The following ATPAF2 variants were observed in gnomAD, a reference collection of about 807,000 sequenced individuals.
ATPAF2 encodes the protein ATP12 homolog.
Under a neutral mutation model 36.6 loss-of-function variants are expected in ATPAF2, and 30 were observed. The observed-to-expected ratio is 0.82, with a 90% CI of 0.61 to 1.11. The LOEUF (loss-of-function observed/expected upper bound fraction) is 1.11, where lower values mean the gene tolerates loss of function less well. ATPAF2 is among the 50% of genes most tolerant of loss of function. ATPAF2 has a pLI of 0.00. For synonymous variants in ATPAF2, 140 were observed against 152.6 expected (o/e 0.92, Z 0.61); for missense variants, 321 against 372.3 (o/e 0.86, Z 1.13).
chr17:18,026,848 A>C, intron 3 of ATPAF2: 1 of 207,762 alleles, frequency 4.8e-6, no homozygotes, highest in East Asian at 1.2e-4. Flanking sequence ...TGGAGCTCAA[A>C]TCTGACTGGA....
At position 18,026,299 on chromosome 17, in the gene ATPAF2, C is replaced by T. The variant is rs778564951; in HGVS notation, c.422+20G>A. 2.3e-5 allele frequency: 36 copies of T among 1,588,198 alleles called. 1 individual carries two copies. The highest frequency in any genetic ancestry group is 3.3e-4 in the Middle Eastern group (2 of 6,036). ...AAATAGCCTCAATCCAAGGGGAATG[C>T]CCATCTAAATGTCCATTACCAGATG... On this transcript the variant is annotated intron_variant, in intron 4 of 7. Transcript: ENST00000474627.
chr17:18,028,887 GTCATACCTCT>G, intron 1 of ATPAF2, among the ~76,000 whole-genome samples: 1 of 152,154 alleles, frequency 6.6e-6, no homozygotes, highest in Non-Finnish European at 1.5e-5. Flanking sequence ...GAACATGCTG[GTCATACCTCT>G]GCCAGCCCCG....
At chr17:18,031,210 C>G (rs911869947) in intron 1 of ATPAF2, among the ~76,000 whole-genome samples, 1 of 151,234 alleles carries the variant, frequency 6.6e-6, no homozygotes, top group African/African-American at 2.4e-5. Flanking sequence ...CTCCTGACCT[C>G]GTGATCCGCC....
rs750758706 is a variant in ATPAF2, at chr17:18,028,125, C to A, written c.324+107G>T. Reference sequence around the variant, plus strand: ...AGGAGGTGAATCCCTGGGGGCCAGACAGGCAAAGGACCAGCCCCCAGGGCC... The same window carrying A: ...AGGAGGTGAATCCCTGGGGGCCAGAAAGGCAAAGGACCAGCCCCCAGGGCC... On this transcript the variant is annotated intron_variant, in intron 3 of 7. Coordinates refer to ENST00000474627, the MANE Select transcript of ATPAF2 (RefSeq NM_145691.4). 12 of 1,381,384 alleles carry A rather than the reference C, an allele frequency of 8.7e-6. No homozygotes were observed. In the South Asian group the frequency reaches 1.3e-4, roughly 15 times the overall value. 85.6% of individuals were successfully genotyped at this position (1,381,384 alleles called of 1,614,324 possible). A position where few individuals can be genotyped will look rare whatever the true frequency, so the allele number is the denominator to read the frequency against.
downstream of ATPAF2, chr17:18,016,740 C>A: frequency 1.1e-6 from 1 of 922,700 alleles, no homozygotes. Flanking sequence ...GAAGTGCACA[C>A]GCCTCACCCG....
At chr17:18,028,805 C>T (rs554329356) in intron 1 of ATPAF2, 146 bp from the exon 2 acceptor site, 1,217 of 787,194 alleles carry the variant, frequency 1.5e-3, no homozygotes, top group Non-Finnish European at 2.2e-3. Context: ...CTACTCAACA[C>T]GGTATAATCA....
chr17:18,039,070 G>A lies in ATPAF2; in HGVS notation c.-57C>T. 3 of 1,552,354 alleles carry A rather than the reference G, an allele frequency of 1.9e-6. No homozygotes were observed. The highest frequency in any genetic ancestry group is 1.7e-4 in the Middle Eastern group (1 of 5,996). On this transcript the variant is annotated 5_prime_UTR_variant, in exon 1 of 8. Coordinates refer to ENST00000474627, the MANE Select transcript of ATPAF2 (RefSeq NM_145691.4). The surrounding 1 kb of genome is among the most constrained non-coding windows in gnomAD (Gnocchi z 5.3). ...CGAAACCTGGAGCAGGAAACACAGA[G>A]CGATGGGATCCCCAAAGCCGCACGG... is the stretch of plus-strand genomic sequence containing the variant.
rs2044467046 is a variant in ATPAF2 at position 18,021,393 on chromosome 17, C to T, written c.617-155G>A. On this transcript the variant is annotated intron_variant, in intron 6 of 7. Coordinates refer to ENST00000474627, the MANE Select transcript of ATPAF2 (RefSeq NM_145691.4). ...TCTTCTGAAAGAGCACTCTGGTCTT[C>T]CCTGGGGGTGATCCTCCTCTGCTCT... 2.8e-6 allele frequency: 2 copies of T among 716,688 alleles called. 1 individual carries two copies. The highest frequency in any genetic ancestry group is 3.1e-5 in the South Asian group (2 of 65,046). 44.4% of individuals were successfully genotyped at this position (716,688 alleles called of 1,614,324 possible).
intron 1 of ATPAF2, 93 bp downstream of exon 1, chr17:18,038,788 C>T: frequency 6.4e-7 from 1 of 1,569,478 alleles, no homozygotes; most frequent in African/African-American, 1.3e-5. Context: ...GAGCCTGAAC[C>T]CTGCCTCAGT....
intron 1 of ATPAF2, among the ~76,000 whole-genome samples, chr17:18,031,387 C>T (rs887712487): frequency 6.6e-6 from 1 of 152,202 alleles, no homozygotes; most frequent in African/African-American, 2.4e-5. Flanking sequence ...TTTGCACTTA[C>T]TAAACTAAGG....
At chr17:18,033,694 G>A (rs2044668400) in intron 1 of ATPAF2, among the ~76,000 whole-genome samples, 1 of 152,032 alleles carries the variant, frequency 6.6e-6, no homozygotes, top group South Asian at 2.1e-4. Flanking sequence ...GCCATCTGGT[G>A]GGCCTTAAAC....
At chr17:18,025,436 C>T (rs114310237) in intron 4 of ATPAF2, 572 of 156,234 alleles carry the variant, frequency 3.7e-3, no homozygotes, top group African/African-American at 0.013. Context: ...CTTGTGTAAG[C>T]AAAGTGGGGA....
chr17:18,037,032 T>C (rs972255297), intron 1 of ATPAF2, among the ~76,000 whole-genome samples: 2 of 151,272 alleles, frequency 1.3e-5, no homozygotes, highest in South Asian at 2.1e-4. Flanking sequence ...GATCACACCA[T>C]TGCATGCCAG....
At chr17:18,026,160 C>T (rs1350032000) in intron 4 of ATPAF2, 159 bp downstream of exon 4, 1 of 732,534 alleles carries the variant, frequency 1.4e-6, no homozygotes, top group Non-Finnish European at 2.5e-6. Flanking sequence ...AGTCCTCCTC[C>T]TAAGGGGCTA....
At chr17:18,022,594 C>CTTT (rs34473758) in intron 5 of ATPAF2, among the ~76,000 whole-genome samples, 33 of 121,378 alleles carry the variant, frequency 2.7e-4, no homozygotes, top group Non-Finnish European at 4.0e-4. Flanking sequence ...TTTTTTCAAA[C>CTTT]TTTTTTTTTT....
intron 2 of ATPAF2, 97 bp from the exon 3 acceptor site, chr17:18,028,474 ACT>A: frequency 6.4e-7 from 1 of 1,557,462 alleles, no homozygotes; most frequent in Non-Finnish European, 8.8e-7. Flanking sequence ...GACAAAGCCA[ACT>A]CTGAGTCCCT....
chr17:18,038,342 G>T (rs1476121177), intron 1 of ATPAF2, among the ~76,000 whole-genome samples: 4 of 152,236 alleles, frequency 2.6e-5, no homozygotes, highest in Non-Finnish European at 2.9e-5. Flanking sequence ...AGAGGTGGAG[G>T]TGTCAATTTC....
Position 18,021,143 on chromosome 17 carries a change from G to GT in ATPAF2, c.711dup (p.Arg238ThrfsTer15), listed in dbSNP as rs768855186. On this transcript the variant is annotated frameshift_variant, in exon 7 of 8. Coordinates refer to ENST00000474627, the MANE Select transcript of ATPAF2 (RefSeq NM_145691.4). LOFTEE classifies it high-confidence loss of function. ...CTCACCTGGTACTCCTCCTCCAGGCGTGACAGCAGCACGGCCTGCTCCACT... is the reference window on the plus strand; with the variant it reads ...CTCACCTGGTACTCCTCCTCCAGGCGTTGACAGCAGCACGGCCTGCTCCACT... 5 of 1,613,636 alleles carry GT rather than the reference G, an allele frequency of 3.1e-6. No homozygotes were observed. Among genetic ancestry groups the GT allele is most frequent in the Non-Finnish European group, 4.2e-6 (5 of 1,179,884 alleles).
At chr17:18,016,198 G>T (rs1009348214), downstream of ATPAF2, 1 of 1,613,346 alleles carries the variant, frequency 6.2e-7, no homozygotes, top group East Asian at 2.2e-5. Flanking sequence ...TAGACAGGGT[G>T]AGTCAATCCC....
Sources: allele counts gnomAD v4.1 joint callset (sites outside exome capture counted in the v4.1 genomes callset), GRCh38; gene constraint gnomAD v4.1.1; non-coding constraint Gnocchi (gnomAD v3.1); transcripts MANE v1.5; gene names NCBI Gene and HGNC (gene_info 2026-07-23, HGNC 2026-07-21).